Variants in BEX4 observed in about 807,000 individuals in gnomAD.
BEX4 encodes brain expressed X-linked 4, also known as protein BEX4.
For synonymous variants in BEX4, 37 were observed against 33.5 expected (o/e 1.11, Z -0.36); for missense variants, 110 against 96.5 (o/e 1.14, Z -0.59).
intron 1 of BEX4, 99 bp from the exon 2 acceptor site, chrX:103,215,583 A>T: frequency 1.1e-5 from 6 of 521,944 alleles, no homozygotes; most frequent in Non-Finnish European, 1.4e-5. Flanking sequence ...GGCCAGGGCC[A>T]GGGCCAGGGC....
At position 103,215,185 on chromosome X, in the gene BEX4, T is replaced by C. The variant is rs951239188; in HGVS notation, c.-142T>C. 1.6e-4 allele frequency: 117 copies of C among 752,669 alleles called. No individual in the cohort carries two copies. The highest frequency in any genetic ancestry group is 1.6e-4 in the Non-Finnish European group (105 of 639,190). 62.0% of individuals were successfully genotyped at this position (752,669 alleles called of 1,213,427 possible). ...CGGTGGTACCTGCTCCCGGTGGCCC[T>C]GAGGACGTGTGGGCCAGGGGCGGCC... On this transcript the variant is annotated 5_prime_UTR_variant, in exon 1 of 3. Transcript: ENST00000372695.
At position 103,216,435 on chromosome X, in the gene BEX4, T is replaced by A; in HGVS notation, c.282T>A (p.Thr94=). Residue 94 remains threonine (T), a synonymous_variant, in exon 3 of 3, where the codon ACT becomes ACA. Coordinates refer to ENST00000372695, the MANE Select transcript of BEX4 (RefSeq NM_001080425.4). ...AGATGATGGAAATCAAGAGAAAGACTAGGGAACAGCAGATGAGGCACTATA... is the reference window on the plus strand; with the variant it reads ...AGATGATGGAAATCAAGAGAAAGACAAGGGAACAGCAGATGAGGCACTATA... ...VGQMMEIKRK[T]REQQMRHYMR... 1 of 1,211,360 alleles carries A rather than the reference T, an allele frequency of 8.3e-7. No homozygotes were observed. Among genetic ancestry groups the A allele is most frequent in the South Asian group, 1.8e-5 (1 of 56,963 alleles).
In BEX4 at chrX:103,215,213, G is replaced by A. The variant is rs184743673; in HGVS notation, c.-114G>A. On this transcript the variant is annotated 5_prime_UTR_variant, in exon 1 of 3. Transcript: ENST00000372695. Reference sequence around the variant, plus strand: ...GGACGTGTGGGCCAGGGGCGGCCCCGAAATTAGGAAGCGGAGGGGGAGCAG... The same window carrying A: ...GGACGTGTGGGCCAGGGGCGGCCCCAAAATTAGGAAGCGGAGGGGGAGCAG... 4.0e-6 allele frequency: 3 copies of A among 753,728 alleles called. No individual in the cohort carries two copies. The highest frequency in any genetic ancestry group is 4.7e-6 in the Non-Finnish European group (3 of 639,744). 62.1% of individuals were successfully genotyped at this position (753,728 alleles called of 1,213,427 possible).
rs576884617 is a variant in BEX4 at position 103,216,818 on chromosome X, C to G, written c.*302C>G. The stretch of plus-strand genomic sequence containing the variant: ...TATTTTTGTAAGTATTACTTTTCCT[C>G]CTCCGGCTACCTGGACTCAAAATCT... On this transcript the variant is annotated 3_prime_UTR_variant, in exon 3 of 3. Coordinates refer to ENST00000372695, the MANE Select transcript of BEX4 (RefSeq NM_001080425.4). 5 of 149,309 alleles carry G rather than the reference C, an allele frequency of 3.3e-5. No homozygotes were observed. Among genetic ancestry groups the G allele is most frequent in the African/African-American group, 1.6e-4 (5 of 31,754 alleles). The allele number at this position is 149,309 out of a possible 1,213,427, so 12.3% of individuals were successfully genotyped here.
At chrX:103,215,348 C>A (rs1372374902) in intron 1 of BEX4, 110 bp downstream of exon 1, 1 of 541,472 alleles carries the variant, frequency 1.8e-6, no homozygotes, top group Non-Finnish European at 2.3e-6. Context: ...CGCGATGCAG[C>A]CCCCGGGCCC....
Position 103,216,173 on chromosome X carries a change from T to G in BEX4, c.20T>G (p.Leu7Arg). 1.7e-6 allele frequency: 2 copies of G among 1,147,178 alleles called. No individual in the cohort carries two copies. The highest frequency in any genetic ancestry group is 2.3e-6 in the Non-Finnish European group (2 of 866,941). 94.5% of individuals were successfully genotyped at this position (1,147,178 alleles called of 1,213,427 possible). ...GGAGTAATGGAGTCCAAAGAGGAAC[T>G]AGCGGCAAACAATCTCAACGGGGAA... MESKEE[L>R]AANNLNGENA... is the part of the protein sequence containing the mutation. The change falls in exon 3 of 3, where the codon CTA becomes CGA. Residue 7 changes from leucine to arginine, a missense_variant. By Grantham distance (102) the Leu-to-Arg change is moderately radical. Transcript: ENST00000372695.
intron 2 of BEX4, 129 bp from the exon 3 acceptor site, chrX:103,216,020 A>C (rs1211018582): frequency 3.4e-6 from 3 of 886,241 alleles, no homozygotes; most frequent in Non-Finnish European, 4.5e-6. Context: ...AGGTGGAAAA[A>C]AATGAAATGT....
At chrX:103,216,112 C>G in intron 2 of BEX4, 37 bp from the exon 3 acceptor site, 1 of 1,129,626 alleles carries the variant, frequency 8.9e-7, no homozygotes, top group Non-Finnish European at 1.2e-6. Context: ...ATCAGTCCAC[C>G]AAGAATTCAG....
chrX:103,215,764 G>T lies in BEX4; in HGVS notation c.-6G>T. ...GGAGGAGACTGCAAGGATAGGCCCA[G>T]GTCGGTGCGAGGGTCGGTGGTGAGG... On this transcript the variant is annotated splice_region_variant and 5_prime_UTR_variant, in exon 2 of 3. The change creates a new upstream start codon in the 5' untranslated region. Coordinates refer to ENST00000372695, the MANE Select transcript of BEX4 (RefSeq NM_001080425.4). The T allele has an allele frequency of 1.1e-6, 1 of 916,494 alleles. No individual in the cohort carries two copies. Among genetic ancestry groups the T allele is most frequent in the Admixed American group, 4.1e-5 (1 of 24,559 alleles). 75.5% of individuals were successfully genotyped at this position (916,494 alleles called of 1,213,427 possible). A position where few individuals can be genotyped will look rare whatever the true frequency, so the allele number is the denominator to read the frequency against.
chrX:103,215,925 GAGATGGATCTACAGGGAAA>G (rs1439458012), intron 2 of BEX4, among the ~76,000 whole-genome samples, 161 bp downstream of exon 2: 1 of 111,415 alleles, frequency 9.0e-6, no homozygotes, highest in Non-Finnish European at 1.9e-5. Flanking sequence ...CGGAAGCCTG[GAGATGGATCTACAGGGAAA>G]ATGGTGGGCT....
chrX:103,215,958 C>T (rs1924571549), intron 2 of BEX4, among the ~76,000 whole-genome samples, 191 bp from the exon 3 acceptor site: 1 of 110,933 alleles, frequency 9.0e-6, no homozygotes, highest in Non-Finnish European at 1.9e-5. Context: ...GTGGGCTTTG[C>T]GGAAGGGAGG....
Position 103,216,267 on chromosome X carries a change from G to A in BEX4, c.114G>A (p.Leu38=). 6.7e-6 allele frequency: 8 copies of A among 1,201,556 alleles called. No homozygotes were observed. The highest frequency in any genetic ancestry group is 9.0e-6 in the Non-Finnish European group (8 of 889,479). Residue 38 remains leucine (L), a synonymous_variant, in exon 3 of 3, where the codon TTG becomes TTA. Coordinates refer to ENST00000372695, the MANE Select transcript of BEX4 (RefSeq NM_001080425.4). ...PTQNEEESRH[L]GGGEGQKPGG... Reference sequence around the variant, plus strand: ...AGAATGAAGAAGAATCCCGCCATTTGGGAGGGGGTGAAGGCCAGAAGCCTG... The same window carrying A: ...AGAATGAAGAAGAATCCCGCCATTTAGGAGGGGGTGAAGGCCAGAAGCCTG...
intron 1 of BEX4, 149 bp downstream of exon 1, chrX:103,215,387 C>T: frequency 2.6e-6 from 1 of 382,843 alleles, no homozygotes; most frequent in African/African-American, 2.7e-5. Context: ...CTTCCTTGAG[C>T]GGAGAGGTGC....
intron 2 of BEX4, among the ~76,000 whole-genome samples, 158 bp from the exon 3 acceptor site, chrX:103,215,991 C>T (rs1924573039): frequency 9.0e-6 from 1 of 111,151 alleles, no homozygotes; most frequent in African/African-American, 3.3e-5. Flanking sequence ...GGGCACCCCA[C>T]AGGGCATACT....
In BEX4 at chrX:103,215,735, CG is replaced by C. The variant is rs371171164; in HGVS notation, c.-33del. ...GGCGGCGCACCTCGCGTCAAGAATC[CG>C]GAGGAGGAGACTGCAAGGATAGGCC... On this transcript the variant is annotated 5_prime_UTR_variant, in exon 2 of 3. Coordinates refer to ENST00000372695, the MANE Select transcript of BEX4 (RefSeq NM_001080425.4). The C allele has an allele frequency of 1.1e-3, 1,043 of 925,858 alleles. 12 individuals are homozygous for C. The African/African-American group carries it at 0.02, about 18-fold the overall frequency. The allele number at this position is 925,858 out of a possible 1,213,427, so 76.3% of individuals were successfully genotyped here.
intron 1 of BEX4, 106 bp downstream of exon 1, chrX:103,215,344 G>A (rs971496087): frequency 1.8e-6 from 1 of 567,593 alleles, no homozygotes; most frequent in Non-Finnish European, 2.2e-6. Flanking sequence ...GGTCCGCGAT[G>A]CAGCCCCCGG....
chrX:103,216,747 A>G lies in BEX4; in HGVS notation c.*231A>G. 3.8e-6 allele frequency: 1 copy of G among 266,442 alleles called. No individual in the cohort carries two copies. The highest frequency in any genetic ancestry group is 6.8e-6 in the Non-Finnish European group (1 of 147,530). The allele number at this position is 266,442 out of a possible 1,213,427, so 22.0% of individuals were successfully genotyped here. A position where few individuals can be genotyped will look rare whatever the true frequency, so the allele number is the denominator to read the frequency against. ...TAATATGAAATGCATAAAGCAGTTC[A>G]AAAAGCAGTCTGTATTCCATCATCT... is the stretch of plus-strand genomic sequence containing the variant. On this transcript the variant is annotated 3_prime_UTR_variant, in exon 3 of 3. Coordinates refer to ENST00000372695, the MANE Select transcript of BEX4 (RefSeq NM_001080425.4).
In BEX4 at chrX:103,216,404, T is replaced by C. The variant is rs200910565; in HGVS notation, c.251T>C (p.Val84Ala). ...GCGAGAGATGATGTAGAAAGGTTTG[T>C]AGGGCAGATGATGGAAATCAAGAGA... ...NEARDDVERF[V>A]GQMMEIKRKT... Residue 84 changes from valine (V) to alanine (A), a missense_variant, in exon 3 of 3, where the codon GTA (valine) becomes GCA (alanine). Transcript: ENST00000372695. 34 of 1,209,917 alleles carry C rather than the reference T, an allele frequency of 2.8e-5. No individual in the cohort carries two copies. The Admixed American group carries it at 3.1e-4, about 11-fold the overall frequency.
Position 103,215,109 on chromosome X carries a change from A to T in BEX4, c.-218A>T, listed in dbSNP as rs368551295. The T allele has an allele frequency of 2.2e-4, 162 of 751,327 alleles. 1 individual carries two copies. The African/African-American group carries it at 3.5e-3, about 16-fold the overall frequency. The allele number at this position is 751,327 out of a possible 1,213,427, so 61.9% of individuals were successfully genotyped here. Reference sequence around the variant, plus strand: ...AGCCCCACGTGACCGGCCAACACTGAGTGTTGTCTCGCTCTGGCGTCAGAG... The same window carrying T: ...AGCCCCACGTGACCGGCCAACACTGTGTGTTGTCTCGCTCTGGCGTCAGAG... On this transcript the variant is annotated 5_prime_UTR_variant, in exon 1 of 3. Transcript: ENST00000372695.
Sources: gnomAD v4.1 joint callset for allele counts (sites outside exome capture counted in the v4.1 genomes callset) on GRCh38, gnomAD v4.1.1 for gene constraint, MANE v1.5 for transcripts, NCBI Gene and HGNC (gene_info 2026-07-23, HGNC 2026-07-21) for gene names.